PCDH9: variants seen among roughly 807,000 people sequenced by gnomAD.
PCDH9 encodes protocadherin-9.
PCDH9 carries 24 observed loss-of-function variants against 70.6 expected under a neutral mutation model. The ratio of observed to expected loss-of-function variants is 0.34; its 90% confidence interval spans 0.25 to 0.48. The LOEUF (loss-of-function observed/expected upper bound fraction) is 0.48. PCDH9 is among the 20% of genes least tolerant of loss of function. The probability of loss-of-function intolerance (pLI) is 0.99; values close to 1 mark genes in which losing one functional copy is unlikely to be tolerated. For synonymous variants in PCDH9, 562 were observed against 558.5 expected (o/e 1.01, Z -0.09); for missense variants, 1,281 against 1,503.6 (o/e 0.85, Z 2.45).
intron 3 of PCDH9, among the ~76,000 whole-genome samples, chr13:66,718,044 G>C (rs1222905009): frequency 6.6e-6 from 1 of 152,074 alleles, no homozygotes; most frequent in Non-Finnish European, 1.5e-5. Context: ...AGGGTACATT[G>C]ATTTTATTTT....
rs868672197 is a variant in PCDH9, at chr13:67,035,578, A to C, written c.3037-131973T>G. 1.8e-4 allele frequency among the ~76,000 whole-genome samples: 27 copies of C among 148,954 alleles called. 1 individual carries two copies. Among genetic ancestry groups the C allele is most frequent in the South Asian group, 8.4e-4 (4 of 4,790 alleles). On this transcript the variant is annotated intron_variant, in intron 2 of 4. Transcript: ENST00000377865. ...TATATAATTATATTAAATTTAAATG[A>C]TATAGTATAATTTTATAATTAAAAT...
At chr13:66,568,523 AAAAG>A (rs1196269494) in intron 4 of PCDH9, among the ~76,000 whole-genome samples, 2 of 151,384 alleles carry the variant, frequency 1.3e-5, no homozygotes, top group Non-Finnish European at 2.9e-5. Context: ...AAAAAAAAAA[AAAAG>A]AAAGAAAGAA....
chr13:66,655,205 A>T (rs888970105), intron 3 of PCDH9, among the ~76,000 whole-genome samples: 1 of 152,122 alleles, frequency 6.6e-6, no homozygotes, highest in African/African-American at 2.4e-5. Flanking sequence ...AATTTCAACC[A>T]TGAAAAACAG....
At chr13:66,904,516 G>T (rs1166320013) in intron 2 of PCDH9, among the ~76,000 whole-genome samples, 1 of 151,856 alleles carries the variant, frequency 6.6e-6, no homozygotes, top group Non-Finnish European at 1.5e-5. Context: ...TGTGCCCCCA[G>T]AAAAGGTTCA....
chr13:66,681,968 T>TATATATA (rs1566502472), intron 3 of PCDH9, among the ~76,000 whole-genome samples: 1 of 148,476 alleles, frequency 6.7e-6, no homozygotes. Flanking sequence ...TATATATATA[T>TATATATA]TTGAGAGATT....
intron 4 of PCDH9, among the ~76,000 whole-genome samples, chr13:66,409,830 G>C (rs1015833126): frequency 6.6e-6 from 1 of 152,166 alleles, no homozygotes; most frequent in Admixed American, 6.5e-5. Context: ...TAATACGTTA[G>C]CTAGTCCTGC....
At chr13:66,329,490 A>G (rs1245387745) in intron 4 of PCDH9, among the ~76,000 whole-genome samples, 1 of 152,158 alleles carries the variant, frequency 6.6e-6, no homozygotes, top group African/African-American at 2.4e-5. Context: ...CCCCTAAGGA[A>G]TCTATGCTCA....
intron 2 of PCDH9, among the ~76,000 whole-genome samples, chr13:66,949,206 G>T (rs2083138596): frequency 6.6e-6 from 1 of 152,046 alleles, no homozygotes; most frequent in Admixed American, 6.6e-5. Flanking sequence ...TCCCTTTTAG[G>T]TGTGCATTAT....
At chr13:66,334,385 A>T (rs1164537864) in intron 4 of PCDH9, among the ~76,000 whole-genome samples, 1 of 152,116 alleles carries the variant, frequency 6.6e-6, no homozygotes, top group Non-Finnish European at 1.5e-5. Context: ...CTGATAAATC[A>T]GTAGACTTTT....
chr13:66,982,479 C>T (rs147066519), intron 2 of PCDH9, among the ~76,000 whole-genome samples: 50 of 152,266 alleles, frequency 3.3e-4, no homozygotes, highest in Non-Finnish European at 5.1e-4. Context: ...ATAAGAGCTA[C>T]ATTATAATCC....
At chr13:67,055,987 G>A (rs1298960703) in intron 2 of PCDH9, among the ~76,000 whole-genome samples, 3 of 151,946 alleles carry the variant, frequency 2.0e-5, no homozygotes, top group Admixed American at 1.3e-4. Flanking sequence ...ACCCCATCTC[G>A]ATGAAATTTT....
intron 2 of PCDH9, among the ~76,000 whole-genome samples, chr13:67,023,203 A>G (rs1478730243): frequency 6.6e-6 from 1 of 150,532 alleles, no homozygotes; most frequent in Non-Finnish European, 1.5e-5. Flanking sequence ...TTAGAAGAAT[A>G]TTTGTTTACA....
At chr13:67,184,661 G>A (rs1417791033) in intron 2 of PCDH9, among the ~76,000 whole-genome samples, 3 of 152,152 alleles carry the variant, frequency 2.0e-5, no homozygotes, top group African/African-American at 7.2e-5. Context: ...AACCCAGGAG[G>A]CTGAGGCTGC....
At chr13:66,871,682 T>A (rs889249868) in intron 3 of PCDH9, among the ~76,000 whole-genome samples, 1 of 152,246 alleles carries the variant, frequency 6.6e-6, no homozygotes, top group Middle Eastern at 3.4e-3. Context: ...CTACCGTACA[T>A]GTATGGCACT....
At chr13:66,448,166 T>A (rs1958133909) in intron 4 of PCDH9, among the ~76,000 whole-genome samples, 1 of 152,162 alleles carries the variant, frequency 6.6e-6, no homozygotes, top group Admixed American at 6.5e-5. Flanking sequence ...CAGACACAAA[T>A]TCAAGTCCCA....
chr13:66,935,231 A>G (rs1386804638), intron 2 of PCDH9, among the ~76,000 whole-genome samples: 1 of 151,420 alleles, frequency 6.6e-6, no homozygotes, highest in Non-Finnish European at 1.5e-5. Flanking sequence ...CTATTTTTTA[A>G]TTTTTGTAGT....
intron 3 of PCDH9, among the ~76,000 whole-genome samples, chr13:66,886,291 G>C (rs1443600280): frequency 6.6e-6 from 1 of 152,146 alleles, no homozygotes; most frequent in Admixed American, 6.5e-5. Context: ...AGAAAAGGAA[G>C]AGAACATTGG....
intron 3 of PCDH9, among the ~76,000 whole-genome samples, chr13:66,764,785 C>T (rs1243281111): frequency 1.3e-5 from 2 of 151,848 alleles, no homozygotes; most frequent in Non-Finnish European, 2.9e-5. Context: ...ATTAGATGCA[C>T]ACTGATTAAG....
In PCDH9 at chr13:66,703,644, T is replaced by C. The variant is rs80229338; in HGVS notation, c.3139-72233A>G. Among the ~76,000 whole-genome samples the C allele has an allele frequency of 7.6e-4, 116 of 152,264 alleles. 2 individuals carry two copies. In the East Asian group the frequency reaches 0.02, roughly 26 times the overall value. ...AGGGCGTGGTGGCTCATGCCTGTAATTGAATTTTGGGAGATCAAGGTGTGA... is the reference window on the plus strand; with the variant it reads ...AGGGCGTGGTGGCTCATGCCTGTAACTGAATTTTGGGAGATCAAGGTGTGA... On this transcript the variant is annotated intron_variant, in intron 3 of 4. Coordinates refer to ENST00000377865, the MANE Select transcript of PCDH9 (RefSeq NM_203487.3).
Sources: allele counts gnomAD v4.1 joint callset (sites outside exome capture counted in the v4.1 genomes callset), GRCh38; gene constraint gnomAD v4.1.1; transcripts MANE v1.5; gene names NCBI Gene and HGNC (gene_info 2026-07-23, HGNC 2026-07-21).